Variants in PDCL3 observed in about 807,000 individuals in gnomAD.
The protein encoded by PDCL3 is phosducin-like protein 3.
Under a neutral mutation model 26.5 loss-of-function variants are expected in PDCL3, and 22 were observed. The observed-to-expected ratio is 0.83, with a 90% confidence interval of 0.59 to 1.19. PDCL3 has a LOEUF of 1.19. Ranked by LOEUF, PDCL3 falls within the 50% of genes most tolerant of loss-of-function variation. The pLI is 0.00. For synonymous variants in PDCL3, 81 were observed against 104.9 expected, an observed-to-expected ratio of 0.77 and a Z score of 1.39; for missense variants, 246 against 294.1, an observed-to-expected ratio of 0.84 and a Z score of 1.20.
intron 1 of PDCL3, chr2:100,563,597 C>G (rs1247584157): frequency 1.3e-5 from 2 of 151,598 alleles, no homozygotes; most frequent in Non-Finnish European, 2.9e-5. Flanking sequence ...TCCAGAGCTC[C>G]CCGCGAGGGT....
intron 4 of PDCL3, among the ~76,000 whole-genome samples, chr2:100,570,630 A>G (rs1374263308): frequency 2.0e-5 from 3 of 151,864 alleles, no homozygotes; most frequent in Non-Finnish European, 2.9e-5. Context: ...GGCGCCTGCC[A>G]CCGCACTCAG....
At chr2:100,574,193 G>A (rs1410232369) in intron 5 of PDCL3, among the ~76,000 whole-genome samples, 3 of 152,044 alleles carry the variant, frequency 2.0e-5, no homozygotes, top group Admixed American at 6.6e-5. Flanking sequence ...TAGTAGAGAC[G>A]GTTTCACCGT....
chr2:100,573,919 T>C (rs1272872340), intron 5 of PDCL3, among the ~76,000 whole-genome samples: 1 of 152,146 alleles, frequency 6.6e-6, no homozygotes, highest in Non-Finnish European at 1.5e-5. Context: ...CATATAACGA[T>C]TGCTTTGTGT....
intron 2 of PDCL3, among the ~76,000 whole-genome samples, chr2:100,568,166 G>C (rs1675095009): frequency 6.6e-6 from 1 of 152,188 alleles, no homozygotes. Flanking sequence ...CACATTAAGA[G>C]GGCCCTTGGG....
chr2:100,572,445 C>T (rs1675196004), intron 5 of PDCL3, among the ~76,000 whole-genome samples: 4 of 152,144 alleles, frequency 2.6e-5, no homozygotes, highest in Non-Finnish European at 5.9e-5. Context: ...CTCCTGGCCT[C>T]AAGTGATCTA....
intron 5 of PDCL3, 142 bp downstream of exon 5, chr2:100,571,940 T>G (rs1675185498): frequency 1.9e-6 from 1 of 518,210 alleles, no homozygotes; most frequent in East Asian, 7.6e-5. Flanking sequence ...GCACGTTTAA[T>G]CTCTCATCTT....
intron 5 of PDCL3, among the ~76,000 whole-genome samples, chr2:100,575,418 T>A (rs147853252): frequency 0.028 from 4,333 of 152,096 alleles, 80 homozygotes; most frequent in Non-Finnish European, 0.03. Flanking sequence ...TACAGGCATG[T>A]GCCACCGCGC....
At chr2:100,574,038 C>G (rs4851337) in intron 5 of PDCL3, among the ~76,000 whole-genome samples, 46,773 of 151,732 alleles carry the variant, frequency 0.31, 7,662 homozygotes, top group Admixed American at 0.43. Flanking sequence ...GGGTCTTGCT[C>G]TGTCACCCAG....
At chr2:100,575,316 T>TA in intron 5 of PDCL3, among the ~76,000 whole-genome samples, 1 of 152,250 alleles carries the variant, frequency 6.6e-6, no homozygotes, top group East Asian at 1.9e-4. Flanking sequence ...TTTGTATTTT[T>TA]AGTAGAGACG....
At chr2:100,574,190 G>A (rs1675235995) in intron 5 of PDCL3, among the ~76,000 whole-genome samples, 1 of 152,008 alleles carries the variant, frequency 6.6e-6, no homozygotes, top group South Asian at 2.1e-4. Context: ...TTTTAGTAGA[G>A]ACGGTTTCAC....
Position 100,569,512 on chromosome 2 carries a change from C to T in PDCL3, c.225-66C>T, listed in dbSNP as rs531110273. On this transcript the variant is annotated intron_variant, in intron 3 of 5. Coordinates refer to ENST00000264254, the MANE Select transcript of PDCL3 (RefSeq NM_024065.5). ...TAAACCTGGGCTTTTACAAGGATTG[C>T]CTTCTAGACGATGTGTGTGTACACG... 1.8e-5 allele frequency: 28 copies of T among 1,529,450 alleles called. No individual in the cohort carries two copies. In the East Asian group the frequency reaches 6.4e-4, roughly 35 times the overall value. The allele number at this position is 1,529,450 out of a possible 1,614,324, so 94.7% of individuals were successfully genotyped here.
At chr2:100,570,991 C>T (rs1207784754) in intron 4 of PDCL3, among the ~76,000 whole-genome samples, 2 of 150,634 alleles carry the variant, frequency 1.3e-5, no homozygotes, top group East Asian at 3.9e-4. Context: ...GTTAATTCAG[C>T]TGGGCATGGT....
chr2:100,576,676 T>C lies in PDCL3; in HGVS notation c.*180T>C, dbSNP rs986125224. On this transcript the variant is annotated 3_prime_UTR_variant, in exon 6 of 6. Coordinates refer to ENST00000264254, the MANE Select transcript of PDCL3 (RefSeq NM_024065.5). ...CTGTTAAATATTTTGGAACTCTTTTTTTTTTTAAATTATAGTATTTCCTCT... is the reference window on the plus strand; with the variant it reads ...CTGTTAAATATTTTGGAACTCTTTTCTTTTTTAAATTATAGTATTTCCTCT... The C allele has an allele frequency of 1.2e-5, 8 of 645,282 alleles. No homozygotes were observed. The highest frequency in any genetic ancestry group is 4.3e-5 in the Admixed American group (1 of 23,202). The allele number at this position is 645,282 out of a possible 1,614,324, so 40.0% of individuals were successfully genotyped here.
At chr2:100,563,141 G>GCGTC in intron 1 of PDCL3, 68 bp downstream of exon 1, 1 of 1,538,814 alleles carries the variant, frequency 6.5e-7, no homozygotes, top group Non-Finnish European at 8.8e-7. Context: ...GCCCGGGCGG[G>GCGTC]CAGTGGACGC....
chr2:100,572,509 G>A (rs1301721904), intron 5 of PDCL3, among the ~76,000 whole-genome samples: 3 of 150,920 alleles, frequency 2.0e-5, no homozygotes, highest in African/African-American at 7.3e-5. Flanking sequence ...ACTGCGCCCG[G>A]CTAGTAGCTT....
Position 100,569,701 on chromosome 2 carries a change from C to T in PDCL3, c.348C>T (p.Ile116=), listed in dbSNP as rs753879306. ...AAGCTGGCGAGGGCTTGTGGGTCAT[C>T]TTGCACCTTTACAAACAAGGGTGAG... ...VTKAGEGLWV[I]LHLYKQGIPL... is the part of the protein sequence containing the mutation. Residue 116 remains isoleucine (I), a synonymous_variant, in exon 4 of 6, where the codon ATC becomes ATT. Transcript: ENST00000264254. The T allele has an allele frequency of 1.2e-6, 2 of 1,612,722 alleles. No homozygotes were observed. The highest frequency in any genetic ancestry group is 4.5e-5 in the East Asian group (2 of 44,792).
intron 4 of PDCL3, among the ~76,000 whole-genome samples, chr2:100,570,813 TCATACTTTCTAAAC>T (rs1675153095): frequency 6.6e-6 from 1 of 152,184 alleles, no homozygotes; most frequent in Non-Finnish European, 1.5e-5. Context: ...TTCTGACATT[TCATACTTTCTAAAC>T]CTTCAGCGTT....
chr2:100,566,606 A>C lies in PDCL3; in HGVS notation c.110A>C (p.Gln37Pro). 6.2e-7 allele frequency: 1 copy of C among 1,614,058 alleles called. No individual in the cohort carries two copies. Among genetic ancestry groups the C allele is most frequent in the East Asian group, 2.2e-5 (1 of 44,876 alleles). The stretch of plus-strand genomic sequence containing the variant: ...TTGGAAGAGGAGGCAGAAGAGGAGC[A>C]GCGCATCCTCCAGCAGTCAGTGGGT... ...KELEEEAEEE[Q>P]RILQQSVVKT... The change falls in exon 2 of 6, where the codon CAG becomes CCG. Residue 37 changes from glutamine to proline, a missense_variant. Transcript: ENST00000264254.
intron 5 of PDCL3, 105 bp from the exon 6 acceptor site, chr2:100,576,249 G>A (rs567223700): frequency 3.5e-5 from 48 of 1,353,566 alleles, no homozygotes; most frequent in Middle Eastern, 3.9e-4. Context: ...GCCAAATTTC[G>A]ATAATTGTAT....
Sources: gnomAD v4.1 joint callset for allele counts (sites outside exome capture counted in the v4.1 genomes callset) on GRCh38, gnomAD v4.1.1 for gene constraint, MANE v1.5 for transcripts, NCBI Gene and HGNC (gene_info 2026-07-23, HGNC 2026-07-21) for gene names.